Variants in PPP2R5A observed in about 807,000 individuals in gnomAD.
The protein encoded by PPP2R5A is serine/threonine-protein phosphatase 2A 56 kDa regulatory subunit alpha isoform.
In PPP2R5A, 25 loss-of-function variants were observed where a neutral mutation model predicts 64.2. The ratio of observed to expected loss-of-function variants is 0.39; its 90% CI spans 0.28 to 0.54. The LOEUF (loss-of-function observed/expected upper bound fraction) is 0.54. Among genes scored for constraint, PPP2R5A ranks in the 20% least tolerant of loss-of-function variants. The pLI, the probability that PPP2R5A is intolerant of heterozygous loss-of-function variation, is 0.67. For synonymous variants in PPP2R5A, 198 were observed against 201.2 expected (o/e 0.98, Z 0.13); for missense variants, 425 against 576.3 (o/e 0.74, Z 2.69).
rs1558149057 is a variant in PPP2R5A at position 212,329,443 on chromosome 1, AT to A, written c.378+116del. ...GTACAATAATTAATACATCCCCCAAATTTTAGAAAATAGTTCATACCCCATC... is the reference window on the plus strand; with the variant it reads ...GTACAATAATTAATACATCCCCCAAATTTAGAAAATAGTTCATACCCCATC... On this transcript the variant is annotated intron_variant, in intron 2 of 12. Coordinates refer to ENST00000261461, the MANE Select transcript of PPP2R5A (RefSeq NM_006243.4). 43 of 945,142 alleles carry A rather than the reference AT, an allele frequency of 4.5e-5. No individual in the cohort carries two copies. The South Asian group carries it at 8.2e-4, about 18-fold the overall frequency. The allele number at this position is 945,142 out of a possible 1,614,324, so 58.5% of individuals were successfully genotyped here.
intron 1 of PPP2R5A, among the ~76,000 whole-genome samples, chr1:212,300,346 T>A (rs1167852356): frequency 4.6e-5 from 7 of 152,256 alleles, no homozygotes; most frequent in Admixed American, 6.5e-5. Context: ...CAATACTTGC[T>A]GTGAGTCATC....
chr1:212,312,956 A>G (rs1328419952), intron 1 of PPP2R5A, among the ~76,000 whole-genome samples: 1 of 152,240 alleles, frequency 6.6e-6, no homozygotes, highest in Non-Finnish European at 1.5e-5. Flanking sequence ...ATAGAATAAA[A>G]TAAAAATTAT....
chr1:212,318,184 C>A (rs538725729), intron 1 of PPP2R5A, among the ~76,000 whole-genome samples: 1 of 152,260 alleles, frequency 6.6e-6, no homozygotes, highest in Admixed American at 6.5e-5. Context: ...TTAGTGAGAT[C>A]AAGTGGCAGT....
chr1:212,292,275 T>A (rs1258341962), intron 1 of PPP2R5A, among the ~76,000 whole-genome samples: 1 of 152,218 alleles, frequency 6.6e-6, no homozygotes, highest in Middle Eastern at 3.2e-3. Context: ...ATAATACTTC[T>A]GTTAGTTGAT....
chr1:212,325,645 TTTATA>T (rs1202350057), intron 1 of PPP2R5A, among the ~76,000 whole-genome samples: 3 of 151,922 alleles, frequency 2.0e-5, no homozygotes, highest in Non-Finnish European at 4.4e-5. Flanking sequence ...CATTATGGAA[TTTATA>T]TTAATTATAA....
Position 212,321,362 on chromosome 1 carries a change from G to C in PPP2R5A, c.182-7773G>C, listed in dbSNP as rs535698041. Among the ~76,000 whole-genome samples the C allele has an allele frequency of 1.9e-4, 29 of 149,052 alleles. 1 individual carries two copies. In the South Asian group the frequency reaches 6.0e-3, roughly 31 times the overall value. Reference sequence around the variant, plus strand: ...TTCCGGACGGGGCGGCTGGCCGGGCGGGGGGCTGACCCCCACCTCCCTCCC... The same window carrying C: ...TTCCGGACGGGGCGGCTGGCCGGGCCGGGGGCTGACCCCCACCTCCCTCCC... On this transcript the variant is annotated intron_variant, in intron 1 of 12. Transcript: ENST00000261461.
At chr1:212,332,190 A>G (rs1034061778) in intron 2 of PPP2R5A, among the ~76,000 whole-genome samples, 1 of 152,146 alleles carries the variant, frequency 6.6e-6, no homozygotes, top group Non-Finnish European at 1.5e-5. Context: ...TGGCTGATCA[A>G]ATTTTAGGTT....
At chr1:212,296,976 T>C (rs1185616921) in intron 1 of PPP2R5A, among the ~76,000 whole-genome samples, 2 of 152,180 alleles carry the variant, frequency 1.3e-5, no homozygotes, top group Admixed American at 6.5e-5. Context: ...GGAAGTCCAG[T>C]TTGTTGCCTG....
rs761936816 is a variant in PPP2R5A, at chr1:212,356,710, C to T, written c.978+34C>T. The T allele has an allele frequency of 5.1e-5, 81 of 1,597,446 alleles. No homozygotes were observed. In the South Asian group the frequency reaches 7.9e-4, roughly 16 times the overall value. ...TGTTCACTAAATGTAGTGCATTTTACTAGAACTTGTCAATCCCAGGGCTAT... is the reference window on the plus strand; with the variant it reads ...TGTTCACTAAATGTAGTGCATTTTATTAGAACTTGTCAATCCCAGGGCTAT... On this transcript the variant is annotated intron_variant, in intron 9 of 12. Transcript: ENST00000261461.
chr1:212,313,000 C>A (rs187185131), intron 1 of PPP2R5A, among the ~76,000 whole-genome samples: 212 of 152,152 alleles, frequency 1.4e-3, no homozygotes, highest in African/African-American at 4.7e-3. Context: ...TAGAAAGTTC[C>A]TTCTCTGTAT....
At chr1:212,305,337 T>C (rs1373530799) in intron 1 of PPP2R5A, among the ~76,000 whole-genome samples, 1 of 152,094 alleles carries the variant, frequency 6.6e-6, no homozygotes, top group African/African-American at 2.4e-5. Context: ...CCCCCAATTT[T>C]TTAATGTTAC....
intron 1 of PPP2R5A, among the ~76,000 whole-genome samples, chr1:212,312,267 C>T (rs1436116156): frequency 1.3e-5 from 2 of 152,190 alleles, no homozygotes; most frequent in Non-Finnish European, 2.9e-5. Context: ...TTGTGTAAAA[C>T]ATTCTGATAT....
intron 2 of PPP2R5A, among the ~76,000 whole-genome samples, chr1:212,332,637 CACATTTATATTA>C: frequency 6.6e-6 from 1 of 152,034 alleles, no homozygotes. Context: ...GTATTATAAA[CACATTTATATTA>C]ACAGTGAAGG....
At chr1:212,318,174 T>C (rs749868260) in intron 1 of PPP2R5A, among the ~76,000 whole-genome samples, 11 of 152,204 alleles carry the variant, frequency 7.2e-5, no homozygotes, top group Non-Finnish European at 1.5e-4. Context: ...AGAATTATCT[T>C]TAGTGAGATC....
intron 9 of PPP2R5A, 122 bp from the exon 10 acceptor site, chr1:212,356,828 T>C (rs1198304130): frequency 7.9e-6 from 10 of 1,266,548 alleles, no homozygotes; most frequent in Non-Finnish European, 1.1e-5. Context: ...TAGTAAACTC[T>C]GCCATCCAGA....
At chr1:212,351,550 C>A (rs543723725) in intron 8 of PPP2R5A, among the ~76,000 whole-genome samples, 22 of 152,138 alleles carry the variant, frequency 1.4e-4, no homozygotes, top group Non-Finnish European at 2.8e-4. Context: ...CCCATCCCTA[C>A]TAAAAATACA....
intron 1 of PPP2R5A, among the ~76,000 whole-genome samples, chr1:212,320,816 C>T (rs1164685385): frequency 7.5e-6 from 1 of 132,512 alleles, no homozygotes; most frequent in African/African-American, 2.8e-5. Context: ...GGGGGGCTGA[C>T]CCCCCCACCT....
At chr1:212,352,371 C>T (rs912817574) in intron 8 of PPP2R5A, among the ~76,000 whole-genome samples, 1 of 151,674 alleles carries the variant, frequency 6.6e-6, no homozygotes, top group Admixed American at 6.6e-5. Flanking sequence ...ACCCAGTGTT[C>T]GTTATTCAAT....
At chr1:212,315,834 A>G (rs990698779) in intron 1 of PPP2R5A, among the ~76,000 whole-genome samples, 1 of 152,074 alleles carries the variant, frequency 6.6e-6, no homozygotes, top group African/African-American at 2.4e-5. Context: ...TTCCAATAGC[A>G]TGTGCTCGCT....
Sources: gnomAD v4.1 joint callset for allele counts (sites outside exome capture counted in the v4.1 genomes callset) on GRCh38, gnomAD v4.1.1 for gene constraint, MANE v1.5 for transcripts, NCBI Gene and HGNC (gene_info 2026-07-23, HGNC 2026-07-21) for gene names.